Variants in MUC3A observed in about 807,000 individuals in gnomAD.
MUC3A encodes mucin 3A, cell surface associated.
Under a neutral mutation model 109.0 loss-of-function variants are expected in MUC3A, and 109 were observed. That is an observed-to-expected ratio of 1.00 (90% confidence interval 0.86 to 1.17). The LOEUF (loss-of-function observed/expected upper bound fraction) is 1.17. Among genes scored for constraint, MUC3A ranks in the 50% most tolerant of loss-of-function variants. The pLI is 0.00. For missense variants in MUC3A, 3,537 were observed against 2,469.4 expected (o/e 1.43, Z -9.16); for synonymous variants, 1,398 against 981.4 (o/e 1.42, Z -7.93).
chr7:100,966,885 C>G lies in MUC3A; in HGVS notation c.9878-14C>G, dbSNP rs587771734. The G allele has an allele frequency of 3.2e-4, 487 of 1,521,184 alleles. No homozygotes were observed. The Middle Eastern group carries it at 0.011, about 33-fold the overall frequency. 94.2% of individuals were successfully genotyped at this position (1,521,184 alleles called of 1,614,324 possible). ...CCTCTCCCCTTCTCTTTCTCCGCTCCTCTCTCTCTCTAGACAAGGATACAA... is the reference window on the plus strand; with the variant it reads ...CCTCTCCCCTTCTCTTTCTCCGCTCGTCTCTCTCTCTAGACAAGGATACAA... On this transcript the variant is annotated splice_polypyrimidine_tract_variant and intron_variant, in intron 10 of 11. Coordinates refer to ENST00000379458, the MANE Select transcript of MUC3A (RefSeq NM_005960.2).
At position 100,959,466 on chromosome 7, in the gene MUC3A, A is replaced by G. The variant is rs1392508353; in HGVS notation, c.7687A>G (p.Ile2563Val). ...CCTCAGAATTACTGAGAACACCCCA[A>G]TCAGTTCCTTTAGCACAAGTATTGT... is the stretch of plus-strand genomic sequence containing the variant. Reference protein sequence around the residue: ...MTLRITENTPISSFSTSIVVI... With the variant: ...MTLRITENTPVSSFSTSIVVI... Residue 2563 changes from isoleucine (I) to valine (V), a missense_variant, in exon 2 of 12, where the codon ATC (isoleucine) becomes GTC (valine). Coordinates refer to ENST00000379458, the MANE Select transcript of MUC3A (RefSeq NM_005960.2). The G allele has an allele frequency of 6.4e-6, 10 of 1,573,302 alleles. No individual in the cohort carries two copies. Among genetic ancestry groups the G allele is most frequent in the African/African-American group, 2.7e-5 (2 of 74,272 alleles).
intron 1 of MUC3A, among the ~76,000 whole-genome samples, 181 bp from the exon 2 acceptor site, chr7:100,951,655 GGCAGT>G (rs1791945738): frequency 6.6e-6 from 1 of 152,226 alleles, no homozygotes; most frequent in South Asian, 2.1e-4. Context: ...GGAGCAGACA[GGCAGT>G]CGTCTCCAGC....
At chr7:100,951,408 G>A (rs80179794) in intron 1 of MUC3A, among the ~76,000 whole-genome samples, 25,037 of 132,514 alleles carry the variant, frequency 0.19, no homozygotes, top group African/African-American at 0.2. Context: ...CAGCAGCAGG[G>A]TGCCGGGAGA....
Position 100,959,410 on chromosome 7 carries a change from C to A in MUC3A, c.7631C>A (p.Thr2544Asn), listed in dbSNP as rs372332067. The A allele has an allele frequency of 3.3e-6, 5 of 1,536,172 alleles. No individual in the cohort carries two copies. In the African/African-American group the frequency reaches 4.1e-5, roughly 13 times the overall value. Residue 2544 changes from threonine (T) to asparagine (N), a missense_variant, in exon 2 of 12, where the codon ACC becomes AAC. By Grantham distance (65) the Thr-to-Asn change is moderately conservative. Transcript: ENST00000379458. ...GAAACCTCATCCCTTGTGGGCACCA[C>A]CTCTCCCACCATGTCCACTGTGAGA... ...STETSSLVGTTSPTMSTVRMT... is the reference protein window; with the variant it reads ...STETSSLVGTNSPTMSTVRMT...
chr7:100,966,461 G>A lies in MUC3A; in HGVS notation c.9687G>A (p.Gly3229=). Residue 3229 remains glycine, a synonymous_variant, in exon 9 of 12, where the codon GGG becomes GGA. Transcript: ENST00000379458. ...CCGTCCACTGGAGGGCGCTGGTCGG[G>A]GGCCTGACGGCCGGCGCCGCGCTGC... ...EVAVHWRALV[G]GLTAGAALLV... 6 of 1,341,456 alleles carry A rather than the reference G, an allele frequency of 4.5e-6. No individual in the cohort carries two copies. The highest frequency in any genetic ancestry group is 5.1e-5 in the South Asian group (2 of 38,994). The allele number at this position is 1,341,456 out of a possible 1,614,324, so 83.1% of individuals were successfully genotyped here.
At position 100,958,508 on chromosome 7, in the gene MUC3A, C is replaced by T; in HGVS notation, c.6729C>T (p.Ile2243=). 1 of 1,216,054 alleles carries T rather than the reference C, an allele frequency of 8.2e-7. No homozygotes were observed. The highest frequency in any genetic ancestry group is 1.2e-5 in the South Asian group (1 of 80,688). 75.3% of individuals were successfully genotyped at this position (1,216,054 alleles called of 1,614,324 possible). Residue 2243 remains isoleucine (I), a synonymous_variant, in exon 2 of 12, where the codon ATC becomes ATT. Coordinates refer to ENST00000379458, the MANE Select transcript of MUC3A (RefSeq NM_005960.2). ...SHSTPGFTSS[I]TTTETTSHST... is the part of the protein sequence containing the mutation. Reference sequence around the variant, plus strand: ...GTACTCCCGGCTTCACTTCTTCAATCACCACCACTGAGACTACATCCCACA... The same window carrying T: ...GTACTCCCGGCTTCACTTCTTCAATTACCACCACTGAGACTACATCCCACA...
In MUC3A at chr7:100,959,700, A is replaced by G. The variant is rs1401320216; in HGVS notation, c.7921A>G (p.Thr2641Ala). The change falls in exon 2 of 12, where the codon ACA becomes GCA. Residue 2641 changes from threonine (T) to alanine (A), a missense_variant. Coordinates refer to ENST00000379458, the MANE Select transcript of MUC3A (RefSeq NM_005960.2). ...TAGCACACATTCCTCCACCCTTCAA[A>G]CAACTCCTTCTACTCCCTCATTGCA... Reference protein sequence around the residue: ...IPSTHSSTLQTTPSTPSLQTS... With the variant: ...IPSTHSSTLQATPSTPSLQTS... 8 of 1,598,544 alleles carry G rather than the reference A, an allele frequency of 5.0e-6. No individual in the cohort carries two copies. Among genetic ancestry groups the G allele is most frequent in the Admixed American group, 1.7e-5 (1 of 60,032 alleles).
Position 100,952,395 on chromosome 7 carries a change from T to TCCC in MUC3A, c.618_619insCCC (p.Ser206_Ser207insPro), listed in dbSNP as rs368857088. ...AACTCCCATAGTGACAGTGACACCC[T>TCCC]CCTCTGTGTCAGCCACAGACACAAC... is the stretch of plus-strand genomic sequence containing the variant. On this transcript the variant is annotated inframe_insertion, in exon 2 of 12. Transcript: ENST00000379458. 6.3e-7 allele frequency: 1 copy of TCCC among 1,598,400 alleles called. No homozygotes were observed. The highest frequency in any genetic ancestry group is 1.7e-5 in the Admixed American group (1 of 60,008).
At position 100,966,969 on chromosome 7, in the gene MUC3A, G is replaced by T; in HGVS notation, c.9930+18G>T. ...CTATGAAGGTGAGGGGCTAAAGAGG[G>T]GGACCCCAAGGAACTCTCCCAGCCT... is the stretch of plus-strand genomic sequence containing the variant. On this transcript the variant is annotated intron_variant, in intron 11 of 11. Coordinates refer to ENST00000379458, the MANE Select transcript of MUC3A (RefSeq NM_005960.2). The T allele has an allele frequency of 4.4e-6, 7 of 1,598,538 alleles. No individual in the cohort carries two copies. In the Admixed American group the frequency reaches 1.2e-4, roughly 27 times the overall value.
At chr7:100,965,640 A>G in intron 7 of MUC3A, 64 bp from the exon 8 acceptor site, 1 of 1,549,222 alleles carries the variant, frequency 6.5e-7, no homozygotes, top group East Asian at 2.3e-5. Flanking sequence ...AGGCACCGTT[A>G]TCAGGCCCCT....
Position 100,957,519 on chromosome 7 carries a change from A to G in MUC3A, c.5740A>G (p.Thr1914Ala), listed in dbSNP as rs1792130333. 1 of 1,403,200 alleles carries G rather than the reference A, an allele frequency of 7.1e-7. No individual in the cohort carries two copies. Among genetic ancestry groups the G allele is most frequent in the African/African-American group, 1.6e-5 (1 of 63,254 alleles). The allele number at this position is 1,403,200 out of a possible 1,614,324, so 86.9% of individuals were successfully genotyped here. A position where few individuals can be genotyped will look rare whatever the true frequency, so the allele number is the denominator to read the frequency against. ...TPSFTSSIAT[T>A]ETPSHSTPRF... is the part of the protein sequence containing the mutation. The stretch of plus-strand genomic sequence containing the variant: ...TAGCTTCACTTCTTCAATCGCAACC[A>G]CCGAGACCCCCTCACACAGTACTCC... The change falls in exon 2 of 12, where the codon ACC becomes GCC. Residue 1914 changes from threonine to alanine, a missense_variant. By Grantham distance (58) the Thr-to-Ala change is moderately conservative. Transcript: ENST00000379458.
rs528943271 is a variant in MUC3A at position 100,960,049 on chromosome 7, C to T, written c.8270C>T (p.Pro2757Leu). The change falls in exon 2 of 12, where the codon CCC becomes CTC. Residue 2757 changes from proline (P) to leucine (L), a missense_variant. Coordinates refer to ENST00000379458, the MANE Select transcript of MUC3A (RefSeq NM_005960.2). ...ACCACAGCTCTCACTGAAATAACCC[C>T]CTTTTCTTATATTTCCCTTCCCTCC... ...SLTTALTEITPFSYISLPSTT... is the reference protein window; with the variant it reads ...SLTTALTEITLFSYISLPSTT... 7 of 1,510,222 alleles carry T rather than the reference C, an allele frequency of 4.6e-6. No homozygotes were observed. The Admixed American group carries it at 1.1e-4, about 24-fold the overall frequency. 93.6% of individuals were successfully genotyped at this position (1,510,222 alleles called of 1,614,324 possible).
intron 7 of MUC3A, 154 bp downstream of exon 7, chr7:100,965,501 TC>T: frequency 6.9e-7 from 1 of 1,439,596 alleles, no homozygotes. Flanking sequence ...GTTAGTGGCT[TC>T]CACCTGAGGA....
rs267601195 is a variant in MUC3A, at chr7:100,964,796, G to C, written c.9335G>C (p.Gly3112Ala). ...YEQVKTTLKEGLQNASQDVNS... is the reference protein window; with the variant it reads ...YEQVKTTLKEALQNASQDVNS... ...CAGGTGAAGACCACGCTGAAGGAGG[G>C]GCTGCAGAACGCCAGCCAGGATGTG... is the stretch of plus-strand genomic sequence containing the variant. Residue 3112 changes from glycine to alanine, a missense_variant, in exon 6 of 12, where the codon GGG becomes GCG. Physicochemically the swap from Gly to Ala is moderately conservative, Grantham distance 60 (BLOSUM62 0). Transcript: ENST00000379458. The C allele has an allele frequency of 3.1e-6, 5 of 1,598,162 alleles. No homozygotes were observed. The highest frequency in any genetic ancestry group is 4.2e-6 in the Non-Finnish European group (5 of 1,179,598).
Position 100,957,695 on chromosome 7 carries a change from T to A in MUC3A, c.5916T>A (p.Thr1972=), listed in dbSNP as rs1792138315. The A allele has an allele frequency of 5.7e-6, 8 of 1,400,670 alleles. No individual in the cohort carries two copies. The highest frequency in any genetic ancestry group is 3.0e-5 in the African/African-American group (2 of 65,918). The allele number at this position is 1,400,670 out of a possible 1,614,324, so 86.8% of individuals were successfully genotyped here. A position where few individuals can be genotyped will look rare whatever the true frequency, so the allele number is the denominator to read the frequency against. ...ITTTETTSHN[T]PSLTSSITTT... Reference sequence around the variant, plus strand: ...CCACCGAGACCACATCCCACAATACTCCCAGCCTCACTTCTTCAATCACCA... The same window carrying A: ...CCACCGAGACCACATCCCACAATACACCCAGCCTCACTTCTTCAATCACCA... Residue 1972 remains threonine, a synonymous_variant, in exon 2 of 12, where the codon ACT becomes ACA. Coordinates refer to ENST00000379458, the MANE Select transcript of MUC3A (RefSeq NM_005960.2).
At position 100,963,733 on chromosome 7, in the gene MUC3A, G is replaced by A. The variant is rs1202011288; in HGVS notation, c.9214G>A (p.Val3072Met). Residue 3072 changes from valine to methionine, a missense_variant, in exon 5 of 12, where the codon GTG becomes ATG. Physicochemically the swap from Val to Met is conservative, Grantham distance 21. Coordinates refer to ENST00000379458, the MANE Select transcript of MUC3A (RefSeq NM_005960.2). ...CATGCAGGGCTTCACCTTCAAGGGTGTGGAGATCCTGTCCCTGAGGTAGGA... is the reference window on the plus strand; with the variant it reads ...CATGCAGGGCTTCACCTTCAAGGGTATGGAGATCCTGTCCCTGAGGTAGGA... ...ADMQGFTFKG[V>M]EILSLRNGSI... 3.8e-6 allele frequency: 6 copies of A among 1,598,446 alleles called. No homozygotes were observed. The highest frequency in any genetic ancestry group is 1.7e-5 in the Admixed American group (1 of 60,014).
chr7:100,961,247 C>A (rs1298604713), intron 3 of MUC3A, among the ~76,000 whole-genome samples: 1 of 152,300 alleles, frequency 6.6e-6, no homozygotes. Flanking sequence ...ACGACATTAT[C>A]ATGTTAGAAT....
chr7:100,955,497 T>A lies in MUC3A; in HGVS notation c.3718T>A (p.Ser1240Thr), dbSNP rs1255691515. ...SAMSTSVIPSSPSIQNTETSS... is the reference protein window; with the variant it reads ...SAMSTSVIPSTPSIQNTETSS... The stretch of plus-strand genomic sequence containing the variant: ...AATGTCCACAAGTGTCATTCCATCT[T>A]CCCCCAGCATCCAGAATACAGAAAC... The change falls in exon 2 of 12, where the codon TCC becomes ACC. Residue 1240 changes from serine to threonine, a missense_variant. By Grantham distance (58) the Ser-to-Thr change is moderately conservative. Transcript: ENST00000379458. 1.3e-5 allele frequency: 6 copies of A among 462,738 alleles called. No individual in the cohort carries two copies. The African/African-American group carries it at 1.6e-4, about 12-fold the overall frequency. 28.7% of individuals were successfully genotyped at this position (462,738 alleles called of 1,614,324 possible).
In MUC3A at chr7:100,957,388, C is replaced by A. The variant is rs1323572009; in HGVS notation, c.5609C>A (p.Thr1870Asn). Residue 1870 changes from threonine to asparagine, a missense_variant, in exon 2 of 12, where the codon ACC becomes AAC. Thr to Asn is a moderately conservative substitution (Grantham distance 65, BLOSUM62 0). Coordinates refer to ENST00000379458, the MANE Select transcript of MUC3A (RefSeq NM_005960.2). ...ATGACAGGTACATTGTCCACTGTGA[C>A]CTCTCTTCGACCCACCTCTTCCTCT... Reference protein sequence around the residue: ...TNMTGTLSTVTSLRPTSSSLL... With the variant: ...TNMTGTLSTVNSLRPTSSSLL... The A allele has an allele frequency of 2.7e-6, 2 of 752,396 alleles. No individual in the cohort carries two copies. Among genetic ancestry groups the A allele is most frequent in the Admixed American group, 2.5e-5 (1 of 40,698 alleles). The allele number at this position is 752,396 out of a possible 1,614,324, so 46.6% of individuals were successfully genotyped here.
Sources: allele counts gnomAD v4.1 joint callset (sites outside exome capture counted in the v4.1 genomes callset), GRCh38; gene constraint gnomAD v4.1.1; transcripts MANE v1.5; gene names NCBI Gene and HGNC (gene_info 2026-07-23, HGNC 2026-07-21).